FRMPD1: variants seen among roughly 807,000 people sequenced by gnomAD.
The protein encoded by FRMPD1 is FERM and PDZ domain-containing protein 1.
FRMPD1 carries 76 observed loss-of-function variants against 117.8 expected under a neutral mutation model. The ratio of observed to expected loss-of-function variants is 0.65; its 90% confidence interval spans 0.54 to 0.78. The LOEUF (loss-of-function observed/expected upper bound fraction) is 0.78. Among genes scored for constraint, FRMPD1 ranks in the 30% least tolerant of loss-of-function variants. The probability of loss-of-function intolerance (pLI) is 0.00; values close to 1 mark genes in which losing one functional copy is unlikely to be tolerated. For synonymous variants in FRMPD1, 783 were observed against 770.4 expected, an observed-to-expected ratio of 1.02 and a Z score of -0.27; for missense variants, 1,786 against 1,964.5, an observed-to-expected ratio of 0.91 and a Z score of 1.72.
At chr9:37,633,033 T>TA in the FRMPD1 span, among the ~76,000 whole-genome samples, 277 of 145,278 alleles carry the variant, frequency 1.9e-3, 1 homozygote, top group African/African-American at 6.6e-3. Context: ...ATATATATAT[T>TA]TTTCTTTTCT....
chr9:37,735,611 G>C lies in FRMPD1; in HGVS notation c.1278G>C (p.Gln426His). The change falls in exon 13 of 16, where the codon CAG becomes CAC. Residue 426 changes from glutamine (Q) to histidine (H), a missense_variant. Gln to His is a conservative substitution (Grantham distance 24). Coordinates refer to ENST00000377765, the MANE Select transcript of FRMPD1 (RefSeq NM_014907.3). ...LLVGAKYGIS[Q>H]VINSKLNIMS... ...TTGGAGCCAAGTATGGGATTAGCCA[G>C]GTTATCAATAGCAAACTCAACATCA... The C allele has an allele frequency of 6.2e-7, 1 of 1,613,912 alleles. No individual in the cohort carries two copies. The highest frequency in any genetic ancestry group is 8.5e-7 in the Non-Finnish European group (1 of 1,179,756).
intron 4 of FRMPD1, among the ~76,000 whole-genome samples, chr9:37,709,107 C>A (rs1822817734): frequency 6.6e-6 from 1 of 152,116 alleles, no homozygotes; most frequent in South Asian, 2.1e-4. Context: ...TGGGAATTGG[C>A]AACCCAGACT....
In FRMPD1 at chr9:37,745,272, T is replaced by G; in HGVS notation, c.3240T>G (p.Asp1080Glu). The G allele has an allele frequency of 6.2e-7, 1 of 1,612,608 alleles. No homozygotes were observed. Among genetic ancestry groups the G allele is most frequent in the Non-Finnish European group, 8.5e-7 (1 of 1,178,622 alleles). ...KYTEPLLSPR[D>E]EPRSDECGIN... ...CAGAGCCTTTGTTGTCTCCTAGAGA[T>G]GAGCCTAGAAGTGATGAATGTGGAA... The change falls in exon 16 of 16, where the codon GAT becomes GAG. Residue 1080 changes from aspartate to glutamate, a missense_variant. Coordinates refer to ENST00000377765, the MANE Select transcript of FRMPD1 (RefSeq NM_014907.3).
intron 2 of FRMPD1, among the ~76,000 whole-genome samples, chr9:37,695,616 A>C (rs964366284): frequency 1.3e-5 from 2 of 152,128 alleles, no homozygotes; most frequent in Non-Finnish European, 2.9e-5. Flanking sequence ...ATAACTGAAA[A>C]AGCTGAGTGA....
At chr9:37,702,863 T>C (rs533614052) in intron 2 of FRMPD1, among the ~76,000 whole-genome samples, 34 of 152,236 alleles carry the variant, frequency 2.2e-4, no homozygotes, top group Non-Finnish European at 3.7e-4. Flanking sequence ...CAATACTTTT[T>C]GATGTAGAGT....
At chr9:37,661,651 T>TACC (rs1821004867) in intron 1 of FRMPD1, 1 of 152,240 alleles carries the variant, frequency 6.6e-6, no homozygotes, top group Non-Finnish European at 1.5e-5. Flanking sequence ...ACCTGCAAAC[T>TACC]ACCACCACCT....
upstream of FRMPD1, among the ~76,000 whole-genome samples, chr9:37,647,605 C>T (rs189243662): frequency 2.1e-3 from 315 of 151,554 alleles, 2 homozygotes; most frequent in African/African-American, 7.2e-3. Context: ...TTTATTCATT[C>T]ATTCAATAAA....
Position 37,707,512 on chromosome 9 carries a change from C to G in FRMPD1, c.198C>G (p.Leu66=), listed in dbSNP as rs368412884. ...HTVKIDKDTL[L]QDYGFHISES... is the part of the protein sequence containing the mutation. ...TAAAGATAGACAAAGACACCCTCCTCCAGGACTATGGATTTCACATTTCTG... is the reference window on the plus strand; with the variant it reads ...TAAAGATAGACAAAGACACCCTCCTGCAGGACTATGGATTTCACATTTCTG... Residue 66 remains leucine (L), a synonymous_variant, in exon 3 of 16, where the codon CTC becomes CTG. Coordinates refer to ENST00000377765, the MANE Select transcript of FRMPD1 (RefSeq NM_014907.3). The G allele has an allele frequency of 8.7e-6, 14 of 1,613,894 alleles. No homozygotes were observed. Among genetic ancestry groups the G allele is most frequent in the Non-Finnish European group, 1.1e-5 (13 of 1,179,872 alleles).
intron 12 of FRMPD1, among the ~76,000 whole-genome samples, chr9:37,734,861 A>G (rs1321281508): frequency 1.3e-5 from 2 of 152,138 alleles, no homozygotes; most frequent in Admixed American, 6.5e-5. Context: ...AAACTTCCCA[A>G]TTTTTCTAAG....
chr9:37,738,240 T>C (rs1192738725), intron 14 of FRMPD1, among the ~76,000 whole-genome samples: 2 of 152,232 alleles, frequency 1.3e-5, no homozygotes, highest in Non-Finnish European at 2.9e-5. Flanking sequence ...GAGTGTTTCC[T>C]CTATATGGAT....
Position 37,744,583 on chromosome 9 carries a change from T to C in FRMPD1, c.2551T>C (p.Ser851Pro). ...FLQTDYTSQV[S>P]FPLVPSASLE... is the part of the protein sequence containing the mutation. ...ACAGACCGACTACACCTCTCAGGTC[T>C]CATTTCCCCTGGTGCCATCAGCCTC... Residue 851 changes from serine (S) to proline (P), a missense_variant, in exon 16 of 16, where the codon TCA (serine) becomes CCA (proline). Ser to Pro is a moderately conservative substitution (Grantham distance 74, BLOSUM62 -1). Transcript: ENST00000377765. 1 of 1,614,128 alleles carries C rather than the reference T, an allele frequency of 6.2e-7. No individual in the cohort carries two copies. Among genetic ancestry groups the C allele is most frequent in the South Asian group, 1.1e-5 (1 of 91,082 alleles).
intron 15 of FRMPD1, among the ~76,000 whole-genome samples, chr9:37,743,195 C>T (rs564641770): frequency 3.3e-5 from 5 of 151,556 alleles, no homozygotes; most frequent in Non-Finnish European, 5.9e-5. Context: ...AGTTGTGGCC[C>T]CTTTACATTC....
intron 14 of FRMPD1, among the ~76,000 whole-genome samples, chr9:37,737,634 G>T (rs1824195078): frequency 6.6e-6 from 1 of 151,930 alleles, no homozygotes; most frequent in Admixed American, 6.6e-5. Flanking sequence ...GACCAGCCTG[G>T]CCAACATGGT....
chr9:37,661,505 G>C (rs1469658829), intron 1 of FRMPD1, among the ~76,000 whole-genome samples: 1 of 152,194 alleles, frequency 6.6e-6, no homozygotes, highest in African/African-American at 2.4e-5. Flanking sequence ...GACTGGTTCT[G>C]TGTGTTAGAG....
At chr9:37,641,326 G>A in the FRMPD1 span, among the ~76,000 whole-genome samples, 1 of 152,204 alleles carries the variant, frequency 6.6e-6, no homozygotes, top group African/African-American at 2.4e-5. Flanking sequence ...CAAGATCTGG[G>A]AGTTTCAAAA....
intron 2 of FRMPD1, among the ~76,000 whole-genome samples, chr9:37,705,305 A>T (rs1822665236): frequency 6.6e-6 from 1 of 151,942 alleles, no homozygotes; most frequent in African/African-American, 2.4e-5. Context: ...CATTTATCCT[A>T]CTACATTAAA....
chr9:37,636,067 C>A, the FRMPD1 span, among the ~76,000 whole-genome samples: 1 of 152,158 alleles, frequency 6.6e-6, no homozygotes, highest in Non-Finnish European at 1.5e-5. Context: ...ACAGGCCCAG[C>A]GCCGCTACCC....
At chr9:37,654,930 A>G (rs866802050) in intron 1 of FRMPD1, among the ~76,000 whole-genome samples, 3 of 152,152 alleles carry the variant, frequency 2.0e-5, no homozygotes, top group African/African-American at 7.2e-5. Flanking sequence ...TGCTCCTGCT[A>G]CAACTTCGGG....
At chr9:37,654,207 A>T (rs1444077550) in intron 1 of FRMPD1, among the ~76,000 whole-genome samples, 1 of 152,248 alleles carries the variant, frequency 6.6e-6, no homozygotes, top group Admixed American at 6.5e-5. Context: ...TACATAAATA[A>T]GGTAACTACA....
Sources: allele counts gnomAD v4.1 joint callset (sites outside exome capture counted in the v4.1 genomes callset), GRCh38; gene constraint gnomAD v4.1.1; transcripts MANE v1.5; gene names NCBI Gene and HGNC (gene_info 2026-07-23, HGNC 2026-07-21).